The following ATIC variants were observed in gnomAD, a reference collection of about 807,000 sequenced individuals.
The protein encoded by ATIC is bifunctional purine biosynthesis protein ATIC.
ATIC carries 64 observed loss-of-function variants against 72.5 expected under a neutral mutation model. The observed-to-expected ratio is 0.88, with a 90% CI of 0.72 to 1.09. The LOEUF (loss-of-function observed/expected upper bound fraction) is 1.09. ATIC is among the 50% of genes least tolerant of loss of function. The pLI, the probability that ATIC is intolerant of heterozygous loss-of-function variation, is 0.00. For synonymous variants in ATIC, 281 were observed against 267.1 expected, an observed-to-expected ratio of 1.05 and a Z score of -0.51; for missense variants, 787 against 732.4, an observed-to-expected ratio of 1.07 and a Z score of -0.86.
At chr2:215,314,696 T>C (rs537869486) in intron 2 of ATIC, among the ~76,000 whole-genome samples, 68 of 152,158 alleles carry the variant, frequency 4.5e-4, no homozygotes, top group African/African-American at 1.6e-3. Flanking sequence ...AGACAGAGTT[T>C]CACCATGTTG....
intron 13 of ATIC, among the ~76,000 whole-genome samples, chr2:215,346,299 C>T (rs1359993869): frequency 6.6e-6 from 1 of 152,098 alleles, no homozygotes; most frequent in Non-Finnish European, 1.5e-5. Context: ...GTAGCTGGGA[C>T]TGCAGGTGTG....
chr2:215,361,588 A>T, the ATIC span: 11 of 1,612,844 alleles, frequency 6.8e-6, no homozygotes, highest in Admixed American at 3.3e-5. Context: ...CAGCCTGTAC[A>T]TCTAAAGGCA....
intron 9 of ATIC, among the ~76,000 whole-genome samples, chr2:215,334,394 C>T (rs1325461072): frequency 6.6e-6 from 1 of 151,888 alleles, no homozygotes; most frequent in Non-Finnish European, 1.5e-5. Flanking sequence ...CATGGTTTCA[C>T]CATGTTGGCC....
In ATIC at chr2:215,337,593, C is replaced by A. The variant is rs537856472; in HGVS notation, c.1099-1186C>A. ...TGTTGGCCAGGCTGGTCTCAAACTC[C>A]TGACCTCAAGGGATCTGCCCGCCTC... On this transcript the variant is annotated intron_variant, in intron 11 of 15. Transcript: ENST00000236959. 2.0e-5 allele frequency among the ~76,000 whole-genome samples: 3 copies of A among 152,306 alleles called. No individual in the cohort carries two copies. In the South Asian group the frequency reaches 6.2e-4, roughly 32 times the overall value.
At chr2:215,347,880 T>C (rs2053088371) in intron 14 of ATIC, among the ~76,000 whole-genome samples, 1 of 152,142 alleles carries the variant, frequency 6.6e-6, no homozygotes, top group African/African-American at 2.4e-5. Context: ...TACTGCAGGC[T>C]GGGTAACTTA....
intron 12 of ATIC, among the ~76,000 whole-genome samples, chr2:215,339,793 C>A (rs935934795): frequency 6.6e-6 from 1 of 151,856 alleles, no homozygotes; most frequent in Non-Finnish European, 1.5e-5. Context: ...CGCCACAACG[C>A]CTGGCTAATT....
chr2:215,338,654 A>G (rs1339354194), intron 11 of ATIC, 125 bp from the exon 12 acceptor site: 1 of 1,030,088 alleles, frequency 9.7e-7, no homozygotes, highest in African/African-American at 1.6e-5. Context: ...GAAAATTAGA[A>G]AACTGTAAAA....
the ATIC span, chr2:215,361,787 G>A: frequency 4.2e-6 from 2 of 471,350 alleles, no homozygotes; most frequent in Middle Eastern, 2.1e-3. Flanking sequence ...AATAGGAGAT[G>A]TTCAAGAGTT....
chr2:215,362,264 C>T, the ATIC span: 1 of 624,282 alleles, frequency 1.6e-6, no homozygotes, highest in Non-Finnish European at 2.9e-6. Context: ...TGGCTTATTA[C>T]CATATCTTAT....
At chr2:215,360,729 A>T in the ATIC span, 6 of 152,688 alleles carry the variant, frequency 3.9e-5, no homozygotes, top group Admixed American at 1.3e-4. Context: ...CAACTGATTT[A>T]GAAAATCTTG....
At chr2:215,330,911 T>A (rs2052885647) in intron 7 of ATIC, among the ~76,000 whole-genome samples, 1 of 152,162 alleles carries the variant, frequency 6.6e-6, no homozygotes, top group Admixed American at 6.5e-5. Context: ...TGGAGCCCTT[T>A]TAGGCACTTT....
Position 215,318,165 on chromosome 2 carries a change from C to CT in ATIC, c.156dup (p.Glu53Ter). The CT allele has an allele frequency of 1.9e-6, 3 of 1,614,030 alleles. No homozygotes were observed. The highest frequency in any genetic ancestry group is 2.5e-6 in the Non-Finnish European group (3 of 1,179,920). On this transcript the variant is annotated frameshift_variant, in exon 3 of 16. Coordinates refer to ENST00000236959, the MANE Select transcript of ATIC (RefSeq NM_004044.7). LOFTEE classifies it high-confidence loss of function. ...GTTTATCTGTTTTTCAGAGATGTCT[C>CT]TGAGTTGACGGGATTTCCTGAAATG... is the stretch of plus-strand genomic sequence containing the variant.
At chr2:215,315,950 G>A (rs2052704028) in intron 2 of ATIC, among the ~76,000 whole-genome samples, 1 of 147,324 alleles carries the variant, frequency 6.8e-6, no homozygotes, top group Non-Finnish European at 1.5e-5. Context: ...GAGAAACACT[G>A]TCTCAAAAAA....
intron 3 of ATIC, among the ~76,000 whole-genome samples, 162 bp from the exon 4 acceptor site, chr2:215,319,503 A>C (rs915034380): frequency 1.1e-4 from 17 of 152,164 alleles, no homozygotes; most frequent in African/African-American, 4.1e-4. Context: ...TGATTACGCC[A>C]CTACAATCCA....
At chr2:215,361,771 C>T in the ATIC span, 2 of 991,654 alleles carry the variant, frequency 2.0e-6, no homozygotes, top group Admixed American at 2.0e-5. Flanking sequence ...TAGCAGCATA[C>T]TGGGCAATAG....
chr2:215,318,369 C>T, intron 3 of ATIC, 136 bp downstream of exon 3: 2 of 839,546 alleles, frequency 2.4e-6, no homozygotes, highest in Non-Finnish European at 4.0e-6. Context: ...AAGTTGCTGC[C>T]AGATTTCATA....
chr2:215,361,370 C>T, the ATIC span: 1 of 664,424 alleles, frequency 1.5e-6, no homozygotes, highest in South Asian at 1.7e-5. Context: ...TATGAGAAAA[C>T]CCTCAGGAAA....
chr2:215,328,763 G>C (rs564488606), intron 7 of ATIC, among the ~76,000 whole-genome samples: 3 of 150,852 alleles, frequency 2.0e-5, no homozygotes, highest in Admixed American at 2.0e-4. Flanking sequence ...TTTCGCCCAG[G>C]CTGGAGTGCA....
chr2:215,332,523 C>T lies in ATIC; in HGVS notation c.814+16C>T. ...AGCCCAGCAGGTAAAGCTCTGTGCT[C>T]TGGAAAGCTCCAGAATTGTTCGAAA... is the stretch of plus-strand genomic sequence containing the variant. On this transcript the variant is annotated intron_variant, in intron 8 of 15. Coordinates refer to ENST00000236959, the MANE Select transcript of ATIC (RefSeq NM_004044.7). The T allele has an allele frequency of 6.2e-7, 1 of 1,613,910 alleles. No individual in the cohort carries two copies. Among genetic ancestry groups the T allele is most frequent in the Middle Eastern group, 1.7e-4 (1 of 6,058 alleles).
Sources: allele counts gnomAD v4.1 joint callset (sites outside exome capture counted in the v4.1 genomes callset), GRCh38; gene constraint gnomAD v4.1.1; transcripts MANE v1.5; gene names NCBI Gene and HGNC (gene_info 2026-07-23, HGNC 2026-07-21).